Variants in VKORC1L1 observed in about 807,000 individuals in gnomAD.
VKORC1L1 encodes the protein vitamin K epoxide reductase complex subunit 1L1.
In VKORC1L1, 2 loss-of-function variants were observed where a neutral mutation model predicts 18.9. The ratio of observed to expected loss-of-function variants is 0.11; its 90% CI spans 0.04 to 0.33. VKORC1L1 has a LOEUF of 0.33. VKORC1L1 is among the 10% of genes least tolerant of loss of function. The probability of loss-of-function intolerance (pLI) is 1.00; values close to 1 mark genes in which losing one functional copy is unlikely to be tolerated. For missense variants in VKORC1L1, 123 were observed against 224.1 expected, an observed-to-expected ratio of 0.55 and a Z score of 2.88; for synonymous variants, 96 against 100.0, an observed-to-expected ratio of 0.96 and a Z score of 0.24.
In VKORC1L1 at chr7:65,933,816, G is replaced by T. The variant is rs142110226; in HGVS notation, c.195-14855G>T. 2.5e-3 allele frequency among the ~76,000 whole-genome samples: 377 copies of T among 152,014 alleles called. 4 individuals carry two copies. The highest frequency in any genetic ancestry group is 3.8e-3 in the Non-Finnish European group (259 of 67,992). ...CTATTGACTTTTTATTTTTATCTCT[G>T]TGAATTCTTATGTGGTAGCTCTAGA... On this transcript the variant is annotated intron_variant, in intron 1 of 2. Transcript: ENST00000360768.
chr7:65,888,337 A>G (rs1251221588), intron 1 of VKORC1L1, among the ~76,000 whole-genome samples: 1 of 152,186 alleles, frequency 6.6e-6, no homozygotes, highest in Non-Finnish European at 1.5e-5. Flanking sequence ...ACTCCAGGGT[A>G]AAAGACTGGA....
At position 65,887,860 on chromosome 7, in the gene VKORC1L1, C is replaced by T. The variant is rs530254201; in HGVS notation, c.194+14295C>T. Among the ~76,000 whole-genome samples the T allele has an allele frequency of 3.4e-4, 51 of 151,852 alleles. No individual in the cohort carries two copies. The South Asian group carries it at 4.1e-3, about 12-fold the overall frequency. On this transcript the variant is annotated intron_variant, in intron 1 of 2. Coordinates refer to ENST00000360768, the MANE Select transcript of VKORC1L1 (RefSeq NM_173517.6). The stretch of plus-strand genomic sequence containing the variant: ...AAAGCAACAAATAACAGGATTGCTT[C>T]GCAATATGTATCACCATATTTCCCT...
In VKORC1L1 at chr7:65,930,125, T is replaced by C. The variant is rs375077529; in HGVS notation, c.195-18546T>C. On this transcript the variant is annotated intron_variant, in intron 1 of 2. Transcript: ENST00000360768. ...AATTTTGATTTTTGTATATTGGTCTTGTGCCGGGTAACCTTATAAACTTCT... is the reference window on the plus strand; with the variant it reads ...AATTTTGATTTTTGTATATTGGTCTCGTGCCGGGTAACCTTATAAACTTCT... Among the ~76,000 whole-genome samples, 48 of 152,340 alleles carry C rather than the reference T, an allele frequency of 3.2e-4. No individual in the cohort carries two copies. The East Asian group carries it at 8.3e-3, about 26-fold the overall frequency.
intron 1 of VKORC1L1, among the ~76,000 whole-genome samples, chr7:65,887,621 A>G (rs2116349982): frequency 6.6e-6 from 1 of 152,234 alleles, no homozygotes; most frequent in East Asian, 1.9e-4. Context: ...CAAGTGTACA[A>G]GCAGTCAGCA....
chr7:65,915,817 T>C (rs547790796), intron 1 of VKORC1L1, among the ~76,000 whole-genome samples: 22 of 152,042 alleles, frequency 1.4e-4, no homozygotes, highest in Admixed American at 1.0e-3. Context: ...GCAATACTTG[T>C]ATAAGAGGAA....
intron 1 of VKORC1L1, among the ~76,000 whole-genome samples, chr7:65,896,770 G>A (rs1254118353): frequency 6.6e-6 from 1 of 152,142 alleles, no homozygotes; most frequent in Non-Finnish European, 1.5e-5. Flanking sequence ...AGAGGCTGAG[G>A]CAGGCTGATC....
intron 1 of VKORC1L1, among the ~76,000 whole-genome samples, chr7:65,922,473 G>A (rs1358960086): frequency 2.0e-5 from 3 of 151,958 alleles, no homozygotes; most frequent in East Asian, 1.9e-4. Context: ...TACTAGAGAC[G>A]GGGCTTTGCC....
intron 1 of VKORC1L1, among the ~76,000 whole-genome samples, chr7:65,940,832 G>A (rs189919413): frequency 3.7e-4 from 56 of 152,264 alleles, no homozygotes; most frequent in South Asian, 3.1e-3. Context: ...AGATATTTTT[G>A]TGATGGACAG....
intron 1 of VKORC1L1, among the ~76,000 whole-genome samples, chr7:65,934,836 C>T (rs1050201153): frequency 2.0e-5 from 3 of 151,962 alleles, no homozygotes; most frequent in African/African-American, 4.8e-5. Flanking sequence ...GGGCAGATCA[C>T]GAGGTCAGGA....
At chr7:65,911,813 A>T (rs1256977432) in intron 1 of VKORC1L1, among the ~76,000 whole-genome samples, 1 of 152,148 alleles carries the variant, frequency 6.6e-6, no homozygotes, top group East Asian at 1.9e-4. Context: ...ATAGACCAGC[A>T]CTGGTTTGTG....
chr7:65,955,056 G>C lies in VKORC1L1; in HGVS notation c.*756G>C, dbSNP rs1790272613. On this transcript the variant is annotated 3_prime_UTR_variant, in exon 3 of 3. Coordinates refer to ENST00000360768, the MANE Select transcript of VKORC1L1 (RefSeq NM_173517.6). ...ATTGGAACGTTCAAGTCCAGTTTGT[G>C]TTCAGTCATAAAACTGGGCCAGTTG... The C allele has an allele frequency of 6.6e-6, 1 of 152,208 alleles. No homozygotes were observed. The highest frequency in any genetic ancestry group is 1.5e-5 in the Non-Finnish European group (1 of 68,060). 9.4% of individuals were successfully genotyped at this position (152,208 alleles called of 1,614,324 possible). A position where few individuals can be genotyped will look rare whatever the true frequency, so the allele number is the denominator to read the frequency against.
At position 65,956,822 on chromosome 7, in the gene VKORC1L1, C is replaced by G. The variant is rs1424254787; in HGVS notation, c.*2522C>G. ...TGAATATTTGAACACTGCAGCATTACTAGCCACCAGTGTTAAAGGACAGAT... is the reference window on the plus strand; with the variant it reads ...TGAATATTTGAACACTGCAGCATTAGTAGCCACCAGTGTTAAAGGACAGAT... On this transcript the variant is annotated 3_prime_UTR_variant, in exon 3 of 3. Coordinates refer to ENST00000360768, the MANE Select transcript of VKORC1L1 (RefSeq NM_173517.6). The G allele has an allele frequency of 6.6e-6, 1 of 152,206 alleles. No individual in the cohort carries two copies. The highest frequency in any genetic ancestry group is 1.5e-5 in the Non-Finnish European group (1 of 68,030). The allele number at this position is 152,206 out of a possible 1,614,324, so 9.4% of individuals were successfully genotyped here.
intron 2 of VKORC1L1, among the ~76,000 whole-genome samples, chr7:65,949,044 C>G (rs62470924): frequency 0.038 from 5,725 of 152,254 alleles, 166 homozygotes; most frequent in East Asian, 0.096. Context: ...TCACTCCCAT[C>G]TTCCCTGTTA....
intron 1 of VKORC1L1, among the ~76,000 whole-genome samples, chr7:65,945,605 T>G (rs1237034655): frequency 1.3e-5 from 2 of 149,420 alleles, no homozygotes; most frequent in Non-Finnish European, 1.5e-5. Flanking sequence ...CGAATGAGAC[T>G]CCGTCTCAAA....
In VKORC1L1 at chr7:65,874,196, A is replaced by G. The variant is rs372603714; in HGVS notation, c.194+631A>G. Among the ~76,000 whole-genome samples the G allele has an allele frequency of 1.4e-4, 21 of 152,242 alleles. No homozygotes were observed. In the East Asian group the frequency reaches 2.7e-3, roughly 20 times the overall value. On this transcript the variant is annotated intron_variant, in intron 1 of 2. Transcript: ENST00000360768. Reference sequence around the variant, plus strand: ...AACACGAATTTGACCCTACTGTGGAAGAAGATACCCGCACTTAACATATCT... The same window carrying G: ...AACACGAATTTGACCCTACTGTGGAGGAAGATACCCGCACTTAACATATCT...
chr7:65,908,368 G>A (rs1367604339), intron 1 of VKORC1L1, among the ~76,000 whole-genome samples: 1 of 152,120 alleles, frequency 6.6e-6, no homozygotes, highest in African/African-American at 2.4e-5. Context: ...AGCCGAGATC[G>A]CGCCACTGCA....
intron 1 of VKORC1L1, among the ~76,000 whole-genome samples, chr7:65,877,639 T>C (rs1200053561): frequency 6.6e-6 from 1 of 152,228 alleles, no homozygotes. Flanking sequence ...TCAGCCACCG[T>C]GTCCAGCTGT....
intron 2 of VKORC1L1, among the ~76,000 whole-genome samples, chr7:65,951,528 C>T (rs1583870059): frequency 6.6e-6 from 1 of 151,578 alleles, no homozygotes; most frequent in African/African-American, 2.4e-5. Context: ...GAGCTAATGT[C>T]GCACCATTGC....
At chr7:65,894,240 C>G (rs142194481) in intron 1 of VKORC1L1, among the ~76,000 whole-genome samples, 2 of 152,168 alleles carry the variant, frequency 1.3e-5, no homozygotes, top group Non-Finnish European at 1.5e-5. Flanking sequence ...CAGGCATGAG[C>G]CACTGCGCCC....
Sources: allele counts gnomAD v4.1 joint callset (sites outside exome capture counted in the v4.1 genomes callset), GRCh38; gene constraint gnomAD v4.1.1; transcripts MANE v1.5; gene names NCBI Gene and HGNC (gene_info 2026-07-23, HGNC 2026-07-21).